RAB6A: variants seen among roughly 807,000 people sequenced by gnomAD.
The protein encoded by RAB6A is RAB6A, member RAS oncogene family.
In RAB6A, 8 loss-of-function variants were observed where a neutral mutation model predicts 32.3. The ratio of observed to expected loss-of-function variants is 0.25; its 90% CI spans 0.15 to 0.45. RAB6A has a LOEUF of 0.45. Among genes scored for constraint, RAB6A ranks in the 20% least tolerant of loss-of-function variants. The pLI is 1.00. For missense variants in RAB6A, 104 were observed against 249.4 expected (o/e 0.42, Z 3.93); for synonymous variants, 73 against 82.1 (o/e 0.89, Z 0.60).
chr11:73,722,604 G>C (rs1466445951), intron 2 of RAB6A: 1 of 113,014 alleles, frequency 8.8e-6, no homozygotes, highest in African/African-American at 2.7e-5. Context: ...CAACACGCTG[G>C]GACTATAGGC....
intron 1 of RAB6A, among the ~76,000 whole-genome samples, chr11:73,749,791 GT>G (rs1946646060): frequency 6.6e-6 from 1 of 152,198 alleles, no homozygotes; most frequent in Non-Finnish European, 1.5e-5. Context: ...AAGCCCAGGA[GT>G]TTGAGGATGC....
chr11:73,736,081 C>G (rs940652863), intron 1 of RAB6A, among the ~76,000 whole-genome samples: 13 of 151,826 alleles, frequency 8.6e-5, no homozygotes, highest in African/African-American at 3.1e-4. Flanking sequence ...ACCTTAGCCT[C>G]CAGAGTAGCA....
intron 5 of RAB6A, among the ~76,000 whole-genome samples, chr11:73,708,061 T>G (rs1387048035): frequency 6.6e-6 from 1 of 152,226 alleles, no homozygotes; most frequent in East Asian, 1.9e-4. Flanking sequence ...ATTCCCAAAC[T>G]ATTAGAATGC....
chr11:73,687,849 C>T (rs998402084), intron 6 of RAB6A, among the ~76,000 whole-genome samples: 3 of 133,100 alleles, frequency 2.3e-5, no homozygotes, highest in African/African-American at 7.6e-5. Flanking sequence ...AAGAGGGAAA[C>T]TCCATCTCAA....
At chr11:73,709,961 A>T (rs867913155) in intron 5 of RAB6A, among the ~76,000 whole-genome samples, 5 of 81,758 alleles carry the variant, frequency 6.1e-5, no homozygotes, top group African/African-American at 1.8e-4. Flanking sequence ...ATATATATAT[A>T]TTTTTTTTTT....
chr11:73,694,235 A>C (rs1945622111), intron 6 of RAB6A, among the ~76,000 whole-genome samples: 1 of 152,230 alleles, frequency 6.6e-6, no homozygotes, highest in African/African-American at 2.4e-5. Context: ...ATCAAATCAA[A>C]GAAGGGAAGA....
intron 6 of RAB6A, among the ~76,000 whole-genome samples, chr11:73,697,516 T>G (rs1238220492): frequency 6.6e-6 from 1 of 151,926 alleles, no homozygotes; most frequent in Non-Finnish European, 1.5e-5. Context: ...CTCGGCTGAT[T>G]TTCGTATTTT....
At chr11:73,733,304 T>TGTGA (rs1248292106) in intron 1 of RAB6A, among the ~76,000 whole-genome samples, 4 of 152,096 alleles carry the variant, frequency 2.6e-5, no homozygotes, top group Admixed American at 2.6e-4. Context: ...ATCCCAACAC[T>TGTGA]TTGGGAGGCT....
At chr11:73,705,914 A>G (rs1014502553) in intron 6 of RAB6A, among the ~76,000 whole-genome samples, 1 of 152,162 alleles carries the variant, frequency 6.6e-6, no homozygotes, top group Non-Finnish European at 1.5e-5. Flanking sequence ...GAAATGTCAG[A>G]GAAAATGTTG....
At chr11:73,710,119 C>G (rs1035076278) in intron 5 of RAB6A, among the ~76,000 whole-genome samples, 17 of 97,350 alleles carry the variant, frequency 1.7e-4, no homozygotes, top group African/African-American at 5.7e-4. Flanking sequence ...CCACCACACC[C>G]GGCTAATTTT....
At chr11:73,758,542 A>G (rs1946795010) in intron 1 of RAB6A, among the ~76,000 whole-genome samples, 1 of 152,156 alleles carries the variant, frequency 6.6e-6, no homozygotes, top group African/African-American at 2.4e-5. Flanking sequence ...GGGGGAGGGT[A>G]GTAGAGGCTT....
At chr11:73,704,228 TA>T in intron 6 of RAB6A, 2 of 417,150 alleles carry the variant, frequency 4.8e-6, no homozygotes, top group South Asian at 1.7e-5. Flanking sequence ...GGAAAAAAAT[TA>T]AAAATTAGCT....
chr11:73,756,687 T>C, intron 1 of RAB6A, among the ~76,000 whole-genome samples: 1 of 152,176 alleles, frequency 6.6e-6, no homozygotes, highest in Non-Finnish European at 1.5e-5. Flanking sequence ...CCTTTATTTA[T>C]TTATTTAGAG....
At chr11:73,755,048 G>A (rs1354055584) in intron 1 of RAB6A, among the ~76,000 whole-genome samples, 1 of 150,986 alleles carries the variant, frequency 6.6e-6, no homozygotes, top group Non-Finnish European at 1.5e-5. Flanking sequence ...TCAGCCTCCT[G>A]AGTAGCTGGC....
rs1224338084 is a variant in RAB6A, at chr11:73,760,721, G to C, written c.-86C>G. ...CAGCCAGCTGACGAAAAAGGCGAGCGGAAGGGCGGGCACCGAGCTCTCTCG... is the reference window on the plus strand; with the variant it reads ...CAGCCAGCTGACGAAAAAGGCGAGCCGAAGGGCGGGCACCGAGCTCTCTCG... On this transcript the variant is annotated 5_prime_UTR_variant, in exon 1 of 8. Transcript: ENST00000336083. 3.9e-6 allele frequency: 6 copies of C among 1,533,310 alleles called. No individual in the cohort carries two copies. The highest frequency in any genetic ancestry group is 2.3e-4 in the Middle Eastern group (1 of 4,430). 95.0% of individuals were successfully genotyped at this position (1,533,310 alleles called of 1,614,324 possible).
In RAB6A at chr11:73,760,702, G is replaced by A. The variant is rs1486426411; in HGVS notation, c.-67C>T. On this transcript the variant is annotated 5_prime_UTR_variant, in exon 1 of 8. Transcript: ENST00000336083. Reference sequence around the variant, plus strand: ...TCCCGGACCGATGCTGCTCCAGCCAGCTGACGAAAAAGGCGAGCGGAAGGG... The same window carrying A: ...TCCCGGACCGATGCTGCTCCAGCCAACTGACGAAAAAGGCGAGCGGAAGGG... The A allele has an allele frequency of 3.2e-6, 5 of 1,556,252 alleles. No individual in the cohort carries two copies. Among genetic ancestry groups the A allele is most frequent in the African/African-American group, 2.7e-5 (2 of 73,328 alleles).
intron 2 of RAB6A, among the ~76,000 whole-genome samples, chr11:73,728,098 C>T (rs1946249238): frequency 6.6e-6 from 1 of 152,086 alleles, no homozygotes; most frequent in Non-Finnish European, 1.5e-5. Context: ...AAAGAGTTAA[C>T]ATGGTAAAGA....
chr11:73,723,686 T>G (rs556077390), intron 2 of RAB6A, among the ~76,000 whole-genome samples: 1 of 152,048 alleles, frequency 6.6e-6, no homozygotes, highest in Admixed American at 6.6e-5. Context: ...GAGAATCCTG[T>G]GGTAAAAGAA....
intron 1 of RAB6A, among the ~76,000 whole-genome samples, chr11:73,748,148 C>T (rs1020609137): frequency 5.9e-5 from 9 of 152,052 alleles, no homozygotes; most frequent in South Asian, 4.2e-4. Context: ...TTAAATTTAC[C>T]TCATTCTGTC....
Sources: allele counts gnomAD v4.1 joint callset (sites outside exome capture counted in the v4.1 genomes callset), GRCh38; gene constraint gnomAD v4.1.1; transcripts MANE v1.5; gene names NCBI Gene and HGNC (gene_info 2026-07-23, HGNC 2026-07-21).